Variants in PSMA6 observed in about 807,000 individuals in gnomAD.
The protein encoded by PSMA6 is proteasome 20S subunit alpha 6.
For missense variants in PSMA6, 170 were observed against 294.8 expected (o/e 0.58, Z 3.10); for synonymous variants, 88 against 97.7 (o/e 0.90, Z 0.59).
At chr14:35,283,363 CAAAA>C (rs754386797) in intron 1 of PSMA6, among the ~76,000 whole-genome samples, 7 of 64,840 alleles carry the variant, frequency 1.1e-4, no homozygotes, top group Admixed American at 8.6e-4. Context: ...CCTATCTCTA[CAAAA>C]AAAAAAAAAA....
chr14:35,282,358 C>T (rs913116656), intron 1 of PSMA6, among the ~76,000 whole-genome samples: 7 of 152,116 alleles, frequency 4.6e-5, no homozygotes, highest in African/African-American at 1.7e-4. Context: ...CCTCAGCCTC[C>T]TGAGTAGCTG....
At chr14:35,279,266 C>T (rs1566545787) in intron 1 of PSMA6, among the ~76,000 whole-genome samples, 1 of 152,124 alleles carries the variant, frequency 6.6e-6, no homozygotes, top group Admixed American at 6.5e-5. Flanking sequence ...AGGCTAGTCT[C>T]GAACTCCAGA....
intron 1 of PSMA6, among the ~76,000 whole-genome samples, chr14:35,286,585 A>T (rs1014935660): frequency 2.6e-5 from 4 of 152,242 alleles, no homozygotes; most frequent in African/African-American, 9.7e-5. Flanking sequence ...TAGCTAAAAA[A>T]CAAGGGTGAA....
At position 35,305,360 on chromosome 14, in the gene PSMA6, T is replaced by G. The variant is rs375427154; in HGVS notation, c.77-2634T>G. Among the ~76,000 whole-genome samples, 7 of 152,228 alleles carry G rather than the reference T, an allele frequency of 4.6e-5. No homozygotes were observed. The East Asian group carries it at 1.4e-3, about 30-fold the overall frequency. On this transcript the variant is annotated intron_variant, in intron 1 of 6. Coordinates refer to ENST00000261479, the MANE Select transcript of PSMA6 (RefSeq NM_002791.3). ...CATGTTGCCCAGGCTGGCCTGGGAC[T>G]CCGGGGCTCAAGCAGTCCTCCCACC...
intron 1 of PSMA6, chr14:35,293,008 C>T (rs1250338264): frequency 2.2e-6 from 1 of 458,116 alleles, no homozygotes; most frequent in Non-Finnish European, 4.4e-6. Flanking sequence ...ATATACCAGA[C>T]ACTGCTAGTC....
At chr14:35,300,261 G>A (rs573344079) in intron 1 of PSMA6, among the ~76,000 whole-genome samples, 1 of 152,210 alleles carries the variant, frequency 6.6e-6, no homozygotes, top group South Asian at 2.1e-4. Flanking sequence ...TTGAGGCCAG[G>A]AGTTCGAAAC....
At chr14:35,292,284 AC>A (rs2051495926), upstream of PSMA6, 1 of 1,400,942 alleles carries the variant, frequency 7.1e-7, no homozygotes. Context: ...TCACTCCACC[AC>A]CCCCTTAGGG....
chr14:35,283,907 T>C (rs963514231), intron 1 of PSMA6, among the ~76,000 whole-genome samples: 6 of 152,166 alleles, frequency 3.9e-5, no homozygotes, highest in Non-Finnish European at 8.8e-5. Context: ...CTTCTTTCCA[T>C]TCCTATTGCT....
intron 4 of PSMA6, among the ~76,000 whole-genome samples, chr14:35,312,554 C>CCAGG (rs2051965755): frequency 6.8e-6 from 1 of 148,126 alleles, no homozygotes; most frequent in South Asian, 2.1e-4. Flanking sequence ...GTTTATTTGA[C>CCAGG]CAGGCAACAT....
In PSMA6 at chr14:35,278,770, T is replaced by C. The variant is rs191216505; in HGVS notation, c.19+52T>C. ...TTGAGATGTACTATATTACTGATTC[T>C]TTGAAAATAAATCATTCTTATATTT... On this transcript the variant is annotated intron_variant, in intron 1 of 6. Coordinates refer to the PSMA6 transcript ENST00000540871. 3.2e-4 allele frequency: 492 copies of C among 1,517,394 alleles called. 5 individuals are homozygous for C. In the Admixed American group the frequency reaches 6.7e-3, roughly 21 times the overall value. The allele number at this position is 1,517,394 out of a possible 1,614,324, so 94.0% of individuals were successfully genotyped here.
intron 1 of PSMA6, among the ~76,000 whole-genome samples, chr14:35,297,795 C>T (rs750865517): frequency 6.6e-6 from 1 of 152,150 alleles, no homozygotes; most frequent in Non-Finnish European, 1.5e-5. Flanking sequence ...TGTCTTGCAT[C>T]GTGTGCCTGT....
chr14:35,284,527 G>A (rs58003071), intron 1 of PSMA6, among the ~76,000 whole-genome samples: 15 of 152,036 alleles, frequency 9.9e-5, no homozygotes, highest in African/African-American at 2.7e-4. Context: ...GGACGCTGTC[G>A]GGTTCATCTG....
chr14:35,307,615 T>C (rs868808728), intron 1 of PSMA6, among the ~76,000 whole-genome samples: 2 of 152,042 alleles, frequency 1.3e-5, no homozygotes, highest in Non-Finnish European at 2.9e-5. Context: ...GCGCCTATAA[T>C]CCCAGCTACT....
At chr14:35,308,699 G>A in intron 2 of PSMA6, 1 of 453,612 alleles carries the variant, frequency 2.2e-6, no homozygotes, top group Non-Finnish European at 3.9e-6. Context: ...CACAGGAAAA[G>A]TATCATCTAG....
intron 1 of PSMA6, 62 bp downstream of exon 1, chr14:35,292,614 G>A: frequency 2.5e-6 from 4 of 1,580,752 alleles, no homozygotes; most frequent in Non-Finnish European, 3.4e-6. Context: ...CGTGCCTGGA[G>A]CGAGCAGACG....
chr14:35,307,982 T>C lies in PSMA6; in HGVS notation c.77-12T>C. On this transcript the variant is annotated splice_polypyrimidine_tract_variant and intron_variant, in intron 1 of 6. Transcript: ENST00000261479. ...TTTATTCCAACTTAAAAAAAACTGT[T>C]CTGTTTTCCAGAATATGCTTTTAAG... The C allele has an allele frequency of 1.2e-6, 2 of 1,612,794 alleles. No homozygotes were observed. The highest frequency in any genetic ancestry group is 1.7e-5 in the Admixed American group (1 of 59,920).
chr14:35,302,081 C>G (rs1173202859), intron 1 of PSMA6, among the ~76,000 whole-genome samples: 1 of 152,042 alleles, frequency 6.6e-6, no homozygotes, highest in Non-Finnish European at 1.5e-5. Flanking sequence ...TCTAAAGACC[C>G]TCTGCCTGCT....
chr14:35,284,894 A>G (rs2051404324), intron 1 of PSMA6, among the ~76,000 whole-genome samples: 1 of 152,354 alleles, frequency 6.6e-6, no homozygotes, highest in Middle Eastern at 3.4e-3. Flanking sequence ...CTTGTAAGAC[A>G]TCATCCCAGA....
intron 1 of PSMA6, 130 bp from the exon 2 acceptor site, chr14:35,307,864 A>G: frequency 2.8e-6 from 2 of 725,226 alleles, no homozygotes; most frequent in South Asian, 2.2e-5. Context: ...TTGACTTTGC[A>G]CATCCTGGAA....
Sources: allele counts gnomAD v4.1 joint callset (sites outside exome capture counted in the v4.1 genomes callset), GRCh38; gene constraint gnomAD v4.1.1; transcripts MANE v1.5; gene names NCBI Gene and HGNC (gene_info 2026-07-23, HGNC 2026-07-21).